ZGRF1: variants seen among roughly 807,000 people sequenced by gnomAD.
ZGRF1 encodes the protein zinc finger GRF-type containing 1.
In ZGRF1, 196 loss-of-function variants were observed where a neutral mutation model predicts 203.5. The ratio of observed to expected loss-of-function variants is 0.96; its 90% CI spans 0.86 to 1.08. The LOEUF (loss-of-function observed/expected upper bound fraction) is 1.08, where lower values mean the gene tolerates loss of function less well. ZGRF1 is among the 50% of genes least tolerant of loss of function. The pLI is 0.00. For synonymous variants in ZGRF1, 809 were observed against 841.3 expected (o/e 0.96, Z 0.66); for missense variants, 2,326 against 2,416.3 (o/e 0.96, Z 0.78).
chr4:112,568,065 A>G (rs1380191492), intron 16 of ZGRF1, among the ~76,000 whole-genome samples: 1 of 152,232 alleles, frequency 6.6e-6, no homozygotes, highest in African/African-American at 2.4e-5. Context: ...CATATTGATG[A>G]TATTTCCCAG....
chr4:112,558,450 C>T lies in ZGRF1; in HGVS notation c.4961-141G>A, dbSNP rs995592939. On this transcript the variant is annotated intron_variant, in intron 19 of 27. Coordinates refer to ENST00000505019, the MANE Select transcript of ZGRF1 (RefSeq NM_018392.5). ...TGACACAATCTCAGCTCACTGTAAC[C>T]TCCACCTCCCAGGTTCAAGTGATTC... The T allele has an allele frequency of 1.5e-5, 9 of 601,080 alleles. No homozygotes were observed. The South Asian group carries it at 2.5e-4, about 17-fold the overall frequency. The allele number at this position is 601,080 out of a possible 1,614,324, so 37.2% of individuals were successfully genotyped here. A position where few individuals can be genotyped will look rare whatever the true frequency, so the allele number is the denominator to read the frequency against.
chr4:112,589,846 G>A lies in ZGRF1; in HGVS notation c.3005C>T (p.Thr1002Ile), dbSNP rs1399366183. 1 of 1,607,438 alleles carries A rather than the reference G, an allele frequency of 6.2e-7. No homozygotes were observed. The highest frequency in any genetic ancestry group is 1.1e-5 in the South Asian group (1 of 89,934). ...AGAAAAGGTAGAAACAGGGCTCAAT[G>A]TAGAGATGTTTTCTTCTGGTGATGT... Reference protein sequence around the residue: ...QVTSPEENISTLSPVSTFSLN... With the variant: ...QVTSPEENISILSPVSTFSLN... The change falls in exon 11 of 28, where the codon ACA (threonine) becomes ATA (isoleucine). Residue 1002 changes from threonine to isoleucine, a missense_variant. Thr to Ile is a moderately conservative substitution (Grantham distance 89). Coordinates refer to ENST00000505019, the MANE Select transcript of ZGRF1 (RefSeq NM_018392.5).
chr4:112,596,168 G>T (rs114213810), intron 10 of ZGRF1, among the ~76,000 whole-genome samples: 1 of 152,188 alleles, frequency 6.6e-6, no homozygotes, highest in South Asian at 2.1e-4. Context: ...TACAGAGGAT[G>T]AGAAACAGAA....
chr4:112,565,450 T>C, intron 16 of ZGRF1: 4 of 638,274 alleles, frequency 6.3e-6, no homozygotes, highest in Non-Finnish European at 1.0e-5. Context: ...AAAAAAAAAA[T>C]TCTCTTCTTC....
chr4:112,539,579 T>C lies in ZGRF1; in HGVS notation c.6283A>G (p.Lys2095Glu). 6.7e-7 allele frequency: 1 copy of C among 1,490,894 alleles called. No individual in the cohort carries two copies. The highest frequency in any genetic ancestry group is 9.2e-7 in the Non-Finnish European group (1 of 1,089,470). 92.4% of individuals were successfully genotyped at this position (1,490,894 alleles called of 1,614,324 possible). The change falls in exon 28 of 28, where the codon AAA (lysine) becomes GAA (glutamate). Residue 2095 changes from lysine to glutamate, a missense_variant. Coordinates refer to ENST00000505019, the MANE Select transcript of ZGRF1 (RefSeq NM_018392.5). Reference sequence around the variant, plus strand: ...TGAGATTTATCTTTAGATTTCTCTTTTTCACTCTTTTTCTTCTGTTTTTCT... The same window carrying C: ...TGAGATTTATCTTTAGATTTCTCTTCTTCACTCTTTTTCTTCTGTTTTTCT... ...VEEKQKKKSE[K>E]EKSKDKSHS
chr4:112,605,939 GT>G (rs1191732276), intron 9 of ZGRF1, 68 bp downstream of exon 9: 3 of 1,024,530 alleles, frequency 2.9e-6, no homozygotes, highest in South Asian at 1.4e-5. Context: ...TTGTTTTTTT[GT>G]TTTTTTGTTT....
chr4:112,575,950 C>G (rs1745124761), intron 16 of ZGRF1, among the ~76,000 whole-genome samples: 1 of 152,226 alleles, frequency 6.6e-6, no homozygotes, highest in South Asian at 2.1e-4. Flanking sequence ...CAGCACGCAG[C>G]TGGACATCTG....
At chr4:112,598,167 A>G (rs1366419091) in intron 10 of ZGRF1, among the ~76,000 whole-genome samples, 1 of 152,208 alleles carries the variant, frequency 6.6e-6, no homozygotes, top group Non-Finnish European at 1.5e-5. Flanking sequence ...TATACAGTGC[A>G]TACTGAAGCA....
rs1162715969 is a variant in ZGRF1 at position 112,621,881 on chromosome 4, C to A, written c.163-1691G>T. 6.0e-4 allele frequency among the ~76,000 whole-genome samples: 91 copies of A among 151,466 alleles called. 1 individual carries two copies. The highest frequency in any genetic ancestry group is 2.9e-5 in the Non-Finnish European group (2 of 67,892). On this transcript the variant is annotated intron_variant, in intron 4 of 27. Coordinates refer to ENST00000505019, the MANE Select transcript of ZGRF1 (RefSeq NM_018392.5). Reference sequence around the variant, plus strand: ...AGCTGGGATTGCAGGCATGCACCACCACGTCCAGCTAATTTTTTGTATGTT... The same window carrying A: ...AGCTGGGATTGCAGGCATGCACCACAACGTCCAGCTAATTTTTTGTATGTT...
In ZGRF1 at chr4:112,620,175, C is replaced by T. The variant is rs78153812; in HGVS notation, c.178G>A (p.Asp60Asn). The T allele has an allele frequency of 1.5e-5, 24 of 1,598,756 alleles. No individual in the cohort carries two copies. The African/African-American group carries it at 2.4e-4, about 16-fold the overall frequency. The change falls in exon 5 of 28, where the codon GAC becomes AAC. Residue 60 changes from aspartate to asparagine, a missense_variant. By Grantham distance (23) the Asp-to-Asn change is conservative. Coordinates refer to ENST00000505019, the MANE Select transcript of ZGRF1 (RefSeq NM_018392.5). ...ATTAAGTATCGATCACTTTCTAAGT[C>T]ATCTCCAGGTTTCACCTGAAAGAAT... ...LKCLEVKPGD[D>N]LESDRYLITV...
At chr4:112,547,088 A>G (rs1264873204) in intron 24 of ZGRF1, among the ~76,000 whole-genome samples, 197 bp downstream of exon 24, 1 of 152,180 alleles carries the variant, frequency 6.6e-6, no homozygotes, top group East Asian at 1.9e-4. Context: ...TAGTGAAAAA[A>G]TTCTTTTTAT....
chr4:112,633,034 G>T (rs2047463025), intron 2 of ZGRF1, 122 bp downstream of exon 2: 1 of 825,684 alleles, frequency 1.2e-6, no homozygotes, highest in Non-Finnish European at 2.0e-6. Context: ...TAACTGAGTA[G>T]CCTGTTTTTT....
intron 6 of ZGRF1, among the ~76,000 whole-genome samples, chr4:112,616,525 A>C: frequency 8.9e-6 from 1 of 112,876 alleles, no homozygotes; most frequent in African/African-American, 4.2e-5. Flanking sequence ...ACTGTGTCTC[A>C]AAAAAAAAAA....
intron 21 of ZGRF1, 103 bp from the exon 22 acceptor site, chr4:112,554,085 G>C: frequency 3.9e-6 from 4 of 1,024,490 alleles, no homozygotes; most frequent in Non-Finnish European, 5.6e-6. Context: ...TAAGTTTTAG[G>C]GTACATGTGC....
intron 11 of ZGRF1, among the ~76,000 whole-genome samples, chr4:112,588,869 C>T (rs1747679998): frequency 6.6e-6 from 1 of 152,144 alleles, no homozygotes; most frequent in African/African-American, 2.4e-5. Flanking sequence ...GTAACACTGA[C>T]AGAAAAGTTA....
At chr4:112,571,584 A>G (rs747492934) in intron 16 of ZGRF1, among the ~76,000 whole-genome samples, 2 of 151,792 alleles carry the variant, frequency 1.3e-5, no homozygotes, top group South Asian at 2.1e-4. Context: ...AGGTCTCACT[A>G]TGTTGCCCAG....
chr4:112,628,488 T>C (rs2047306929), intron 3 of ZGRF1: 1 of 434,002 alleles, frequency 2.3e-6, no homozygotes, highest in Non-Finnish European at 4.6e-6. Context: ...TGATGACTTA[T>C]TCAGTGGAAG....
intron 14 of ZGRF1, among the ~76,000 whole-genome samples, chr4:112,584,968 T>G (rs1349002631): frequency 6.6e-6 from 1 of 152,240 alleles, no homozygotes; most frequent in Non-Finnish European, 1.5e-5. Context: ...TACTGGGGAT[T>G]ACATGGTAGA....
intron 2 of ZGRF1, 150 bp downstream of exon 2, chr4:112,633,006 T>C (rs2047461985): frequency 1.4e-6 from 1 of 719,868 alleles, no homozygotes; most frequent in South Asian, 1.6e-5. Flanking sequence ...TATGCATTGT[T>C]TATTTGAAAT....
Sources: allele counts gnomAD v4.1 joint callset (sites outside exome capture counted in the v4.1 genomes callset), GRCh38; gene constraint gnomAD v4.1.1; transcripts MANE v1.5; gene names NCBI Gene and HGNC (gene_info 2026-07-23, HGNC 2026-07-21).